MAGI2: variants seen among roughly 807,000 people sequenced by gnomAD.
MAGI2 encodes the protein membrane-associated guanylate kinase, WW and PDZ domain-containing protein 2.
In MAGI2, 35 loss-of-function variants were observed where a neutral mutation model predicts 133.3. That is an observed-to-expected ratio of 0.26 (90% CI 0.20 to 0.35). MAGI2 has a LOEUF of 0.35. Among genes scored for constraint, MAGI2 ranks in the 10% least tolerant of loss-of-function variants. MAGI2 has a pLI of 1.00. For missense variants in MAGI2, 1,636 were observed against 1,863.4 expected (o/e 0.88, Z 2.25); for synonymous variants, 729 against 710.6 (o/e 1.03, Z -0.41).
chr7:78,297,981 A>ATAAT (rs1797449559), intron 9 of MAGI2, among the ~76,000 whole-genome samples: 1 of 103,374 alleles, frequency 9.7e-6, no homozygotes, highest in African/African-American at 5.8e-5. Flanking sequence ...AACTTAAAGT[A>ATAAT]TAATTAAAAA....
intron 2 of MAGI2, among the ~76,000 whole-genome samples, chr7:78,714,688 C>T (rs557298742): frequency 6.6e-6 from 1 of 152,188 alleles, no homozygotes; most frequent in African/African-American, 2.4e-5. Flanking sequence ...ATAGCCCAAA[C>T]CAGATAAAAT....
intron 3 of MAGI2, among the ~76,000 whole-genome samples, chr7:78,578,835 C>T (rs1802539761): frequency 6.6e-6 from 1 of 152,180 alleles, no homozygotes; most frequent in African/African-American, 2.4e-5. Context: ...GACCTGATGC[C>T]TGAACAAAGC....
intron 1 of MAGI2, among the ~76,000 whole-genome samples, chr7:79,278,512 T>A (rs1835405870): frequency 6.6e-6 from 1 of 152,154 alleles, no homozygotes; most frequent in Admixed American, 6.6e-5. Flanking sequence ...TCAGAGTTGG[T>A]TCAAATATCA....
chr7:79,076,566 CAT>C (rs1815481752), intron 1 of MAGI2, among the ~76,000 whole-genome samples: 1 of 152,102 alleles, frequency 6.6e-6, no homozygotes, highest in East Asian at 1.9e-4. Context: ...AGCAAGAAAA[CAT>C]TGTATCTCAT....
chr7:78,298,365 A>ACGTT (rs370357507), intron 9 of MAGI2, among the ~76,000 whole-genome samples: 2 of 152,322 alleles, frequency 1.3e-5, no homozygotes, highest in South Asian at 4.1e-4. Context: ...TAAAGTATAG[A>ACGTT]CGTTCGTTAG....
intron 1 of MAGI2, among the ~76,000 whole-genome samples, chr7:79,172,508 T>C (rs2129548963): frequency 6.6e-6 from 1 of 152,160 alleles, no homozygotes; most frequent in East Asian, 1.9e-4. Flanking sequence ...GATTTAAAAT[T>C]TAGTATTAAA....
chr7:79,034,725 T>TGTGAAAAATCCAGTACTGACCA lies in MAGI2; in HGVS notation c.302-27520_302-27519insTGGTCAGTACTGGATTTTTCAC, dbSNP rs1810947449. ...TGTGACCAAAATGGCAGCAGGCAAA[T>TGTGAAAAATCCAGTACTGACCA]GTGAAAAATCCAATACTGACCATAA... is the stretch of plus-strand genomic sequence containing the variant. On this transcript the variant is annotated intron_variant, in intron 1 of 21. Coordinates refer to ENST00000354212, the MANE Select transcript of MAGI2 (RefSeq NM_012301.4). 7.9e-5 allele frequency among the ~76,000 whole-genome samples: 12 copies of TGTGAAAAATCCAGTACTGACCA among 151,874 alleles called. No individual in the cohort carries two copies. In the South Asian group the frequency reaches 2.1e-3, roughly 26 times the overall value.
rs368997448 is a variant in MAGI2 at position 78,977,036 on chromosome 7, A to G, written c.418+30054T>C. Among the ~76,000 whole-genome samples, 31 of 151,836 alleles carry G rather than the reference A, an allele frequency of 2.0e-4. No homozygotes were observed. The South Asian group carries it at 6.0e-3, about 29-fold the overall frequency. ...CTTTCCCAACTTGGTCTATAAATCC[A>G]AAGCAATTCTAATTCAAATCCCAGC... On this transcript the variant is annotated intron_variant, in intron 2 of 21. Coordinates refer to ENST00000354212, the MANE Select transcript of MAGI2 (RefSeq NM_012301.4).
At position 78,474,553 on chromosome 7, in the gene MAGI2, C is replaced by T. The variant is rs566488374; in HGVS notation, c.1045+15208G>A. ...CAAAAGGCAGTACACTTTCAAAATT[C>T]AGAGTGAGATCTATACATTTTAAAT... On this transcript the variant is annotated intron_variant, in intron 6 of 21. Coordinates refer to ENST00000354212, the MANE Select transcript of MAGI2 (RefSeq NM_012301.4). Among the ~76,000 whole-genome samples the T allele has an allele frequency of 1.2e-4, 18 of 152,038 alleles. No homozygotes were observed. The East Asian group carries it at 3.1e-3, about 26-fold the overall frequency.
chr7:78,465,966 T>TA (rs1790582567), intron 6 of MAGI2, among the ~76,000 whole-genome samples: 1 of 152,150 alleles, frequency 6.6e-6, no homozygotes, highest in Non-Finnish European at 1.5e-5. Context: ...ACCAATCATT[T>TA]AAAAGGGGCT....
intron 2 of MAGI2, among the ~76,000 whole-genome samples, chr7:78,766,335 T>G (rs968827940): frequency 6.6e-6 from 1 of 152,302 alleles, no homozygotes; most frequent in East Asian, 1.9e-4. Flanking sequence ...AGGACTGGTG[T>G]ATTAGAGAGA....
intron 9 of MAGI2, 126 bp from the exon 10 acceptor site, chr7:78,256,707 A>G (rs1353750452): frequency 1.3e-6 from 1 of 754,592 alleles, no homozygotes; most frequent in Non-Finnish European, 2.1e-6. Context: ...ATCAATTAGA[A>G]TAATACTTAA....
intron 3 of MAGI2, among the ~76,000 whole-genome samples, chr7:78,573,969 G>C (rs961036399): frequency 6.6e-6 from 1 of 152,122 alleles, no homozygotes. Flanking sequence ...CTGCCCCTGG[G>C]TATGCCCATG....
rs577621014 is a variant in MAGI2, at chr7:78,761,485, A to G, written c.419-134246T>C. Among the ~76,000 whole-genome samples, 162 of 132,306 alleles carry G rather than the reference A, an allele frequency of 1.2e-3. 1 individual carries two copies. The highest frequency in any genetic ancestry group is 1.2e-3 in the South Asian group (5 of 4,254). 86.8% of individuals were successfully genotyped at this position (132,306 alleles called of 152,430 possible). On this transcript the variant is annotated intron_variant, in intron 2 of 21. Coordinates refer to ENST00000354212, the MANE Select transcript of MAGI2 (RefSeq NM_012301.4). The stretch of plus-strand genomic sequence containing the variant: ...ATTCTGATTTTTTTTTTTTTTTTTG[A>G]GACAGAGTCTTGCTCTGTCCCCCAG...
At chr7:78,416,183 G>T (rs1046267073) in intron 6 of MAGI2, among the ~76,000 whole-genome samples, 1 of 152,122 alleles carries the variant, frequency 6.6e-6, no homozygotes, top group African/African-American at 2.4e-5. Context: ...TTGGAACAAT[G>T]AAGATTAGCT....
At chr7:79,095,363 T>A (rs1398525747) in intron 1 of MAGI2, among the ~76,000 whole-genome samples, 1 of 152,106 alleles carries the variant, frequency 6.6e-6, no homozygotes, top group Non-Finnish European at 1.5e-5. Flanking sequence ...TTCACTGGAG[T>A]CGCACTTTTA....
chr7:79,082,252 G>C (rs1249138009), intron 1 of MAGI2, among the ~76,000 whole-genome samples: 1 of 151,836 alleles, frequency 6.6e-6, no homozygotes, highest in Non-Finnish European at 1.5e-5. Flanking sequence ...CTTTTCTTTA[G>C]TCACTTGTGC....
At chr7:79,446,300 G>A (rs995131280) in intron 1 of MAGI2, among the ~76,000 whole-genome samples, 4 of 151,968 alleles carry the variant, frequency 2.6e-5, no homozygotes, top group Non-Finnish European at 4.4e-5. Flanking sequence ...CGTGTACCCC[G>A]AAATTTAAAG....
intron 3 of MAGI2, among the ~76,000 whole-genome samples, chr7:78,622,539 CT>C (rs1195066544): frequency 3.9e-5 from 6 of 152,002 alleles, no homozygotes; most frequent in Non-Finnish European, 1.5e-5. Flanking sequence ...GCACAGAATT[CT>C]GTATATCCTG....
Sources: gnomAD v4.1 joint callset for allele counts (sites outside exome capture counted in the v4.1 genomes callset) on GRCh38, gnomAD v4.1.1 for gene constraint, MANE v1.5 for transcripts, NCBI Gene and HGNC (gene_info 2026-07-23, HGNC 2026-07-21) for gene names.